ALDH1L1: variants seen among roughly 807,000 people sequenced by gnomAD.
The protein encoded by ALDH1L1 is cytosolic 10-formyltetrahydrofolate dehydrogenase.
A neutral mutation model predicts 101.1 loss-of-function variants in ALDH1L1; 68 were observed. The observed-to-expected ratio is 0.67, with a 90% CI of 0.55 to 0.82. ALDH1L1 has a LOEUF of 0.82. Ranked by LOEUF, ALDH1L1 falls within the 40% of genes least tolerant of loss-of-function variation. ALDH1L1 has a pLI of 0.00. For missense variants in ALDH1L1, 1,087 were observed against 1,172.7 expected, an observed-to-expected ratio of 0.93 and a Z score of 1.07; for synonymous variants, 486 against 470.8, an observed-to-expected ratio of 1.03 and a Z score of -0.42.
chr3:126,125,797 T>A, intron 14 of ALDH1L1, 76 bp from the exon 15 acceptor site: 1 of 1,077,812 alleles, frequency 9.3e-7, no homozygotes, highest in Non-Finnish European at 1.3e-6. Flanking sequence ...TCCCTCCACC[T>A]CACCCAGGGC....
chr3:126,117,932 C>T, intron 17 of ALDH1L1, 73 bp downstream of exon 17: 1 of 1,417,076 alleles, frequency 7.1e-7, no homozygotes, highest in Non-Finnish European at 9.8e-7. Flanking sequence ...GGACACAGCT[C>T]CTGGGACAGC....
intron 20 of ALDH1L1, among the ~76,000 whole-genome samples, chr3:126,108,381 C>A (rs910330411): frequency 6.6e-6 from 1 of 152,232 alleles, no homozygotes; most frequent in Non-Finnish European, 1.5e-5. Flanking sequence ...GATGGCTCCC[C>A]ACTGTTCCTG....
chr3:126,114,971 C>T, intron 17 of ALDH1L1: 2 of 479,320 alleles, frequency 4.2e-6, no homozygotes, highest in South Asian at 1.5e-5. Flanking sequence ...CGTATAAAAC[C>T]ACAGCCTGCC....
intron 1 of ALDH1L1, among the ~76,000 whole-genome samples, chr3:126,165,507 C>T (rs1018875291): frequency 2.3e-4 from 35 of 152,136 alleles, no homozygotes; most frequent in African/African-American, 7.5e-4. Context: ...GGTGTCATTA[C>T]TTCTTTGTAT....
intron 3 of ALDH1L1, 133 bp from the exon 4 acceptor site, chr3:126,157,641 C>T (rs775041382): frequency 1.4e-4 from 132 of 971,940 alleles, no homozygotes; most frequent in Admixed American, 3.6e-4. Context: ...CCGGCTCCGG[C>T]GGGAAACGGA....
chr3:126,137,891 G>A lies in ALDH1L1; in HGVS notation c.1146C>T (p.Ser382=), dbSNP rs1002055363. Residue 382 remains serine, a synonymous_variant, in exon 10 of 23, where the codon TCC becomes TCT. Transcript: ENST00000393434. ...ACAGCTGGATGAAGTCCCCAAAGGT[G>A]GATGCCATGTACACATCTTCATTTT... is the stretch of plus-strand genomic sequence containing the variant. ...ELENEDVYMA[S]TFGDFIQLLV... The A allele has an allele frequency of 1.9e-6, 3 of 1,614,196 alleles. No individual in the cohort carries two copies. The East Asian group carries it at 6.7e-5, about 36-fold the overall frequency.
At chr3:126,115,404 G>A (rs1343046576) in intron 17 of ALDH1L1, 1 of 207,306 alleles carries the variant, frequency 4.8e-6, no homozygotes. Context: ...GCAGGTCTGT[G>A]TGACACGGCT....
At chr3:126,139,345 C>A (rs558650958) in intron 9 of ALDH1L1, among the ~76,000 whole-genome samples, 55 of 152,324 alleles carry the variant, frequency 3.6e-4, no homozygotes, top group African/African-American at 1.3e-3. Flanking sequence ...AAGGAACACA[C>A]CTTGCAAAAA....
intron 1 of ALDH1L1, among the ~76,000 whole-genome samples, chr3:126,161,836 C>T (rs1229592625): frequency 6.6e-6 from 1 of 152,078 alleles, no homozygotes; most frequent in African/African-American, 2.4e-5. Flanking sequence ...GTCAACACCA[C>T]CAGAAAGAGA....
intron 1 of ALDH1L1, among the ~76,000 whole-genome samples, chr3:126,196,037 A>G (rs562157227): frequency 6.6e-6 from 1 of 152,278 alleles, no homozygotes; most frequent in South Asian, 2.1e-4. Flanking sequence ...GGTGCAGCAC[A>G]CCAACATGGC....
chr3:126,114,378 A>G (rs1210425811), intron 18 of ALDH1L1, among the ~76,000 whole-genome samples, 179 bp downstream of exon 18: 1 of 152,142 alleles, frequency 6.6e-6, no homozygotes, highest in Non-Finnish European at 1.5e-5. Flanking sequence ...GTATGTTTGG[A>G]GGGCACACGT....
intron 13 of ALDH1L1, among the ~76,000 whole-genome samples, chr3:126,131,132 A>G (rs559606024): frequency 2.0e-5 from 3 of 152,364 alleles, no homozygotes; most frequent in African/African-American, 7.2e-5. Context: ...GTTCTGTCCC[A>G]GAGTCTCCAG....
intron 18 of ALDH1L1, 69 bp from the exon 19 acceptor site, chr3:126,112,949 G>T: frequency 7.0e-7 from 1 of 1,422,134 alleles, no homozygotes; most frequent in Non-Finnish European, 9.8e-7. Flanking sequence ...CTCTGCCAGG[G>T]CCCAGCCGCC....
chr3:126,174,531 C>G (rs2081338157), intron 1 of ALDH1L1, among the ~76,000 whole-genome samples: 1 of 152,156 alleles, frequency 6.6e-6, no homozygotes, highest in African/African-American at 2.4e-5. Context: ...CAACAAATAT[C>G]AATGACTTCT....
Position 126,137,852 on chromosome 3 carries a change from C to T in ALDH1L1, c.1185G>A (p.Leu395=). ...GDFIQLLVRK[L]RGDDEEGECS... ...ACTCGCCCTCCTCATCGTCCCCTCG[C>T]AGCTTCCTCACTAACAGCTGGATGA... The change falls in exon 10 of 23, where the codon CTG becomes CTA. Residue 395 remains leucine (L), a synonymous_variant. Coordinates refer to ENST00000393434, the MANE Select transcript of ALDH1L1 (RefSeq NM_012190.4). 6.2e-7 allele frequency: 1 copy of T among 1,614,016 alleles called. No homozygotes were observed. The highest frequency in any genetic ancestry group is 1.1e-5 in the South Asian group (1 of 91,064).
At position 126,150,350 on chromosome 3, in the gene ALDH1L1, A is replaced by G; in HGVS notation, c.984+56T>C. ...CTCTGGGGAGTGTGATTTGCAGAAC[A>G]CATGTGCACGGCACAACCTGCCCAA... On this transcript the variant is annotated intron_variant, in intron 8 of 22. Coordinates refer to ENST00000393434, the MANE Select transcript of ALDH1L1 (RefSeq NM_012190.4). 4 of 1,535,854 alleles carry G rather than the reference A, an allele frequency of 2.6e-6. No homozygotes were observed. The South Asian group carries it at 4.9e-5, about 19-fold the overall frequency.
At chr3:126,128,270 C>T (rs1229241400) in intron 14 of ALDH1L1, 1 of 152,302 alleles carries the variant, frequency 6.6e-6, no homozygotes, top group Non-Finnish European at 1.5e-5. Context: ...ACAGAATTCT[C>T]CTCTTAGTCC....
At chr3:126,152,678 G>A in intron 7 of ALDH1L1, 1 of 156,044 alleles carries the variant, frequency 6.4e-6, no homozygotes, top group South Asian at 2.0e-4. Flanking sequence ...ACCCCCGGCT[G>A]CTCATGTGAG....
chr3:126,114,834 C>T, intron 17 of ALDH1L1, 178 bp from the exon 18 acceptor site: 1 of 643,864 alleles, frequency 1.6e-6, no homozygotes, highest in East Asian at 3.1e-5. Flanking sequence ...ACCTGCCTTT[C>T]CTTTCTGGCC....
Sources: gnomAD v4.1 joint callset for allele counts (sites outside exome capture counted in the v4.1 genomes callset) on GRCh38, gnomAD v4.1.1 for gene constraint, MANE v1.5 for transcripts, NCBI Gene and HGNC (gene_info 2026-07-23, HGNC 2026-07-21) for gene names.